ENOX2: variants seen among roughly 807,000 people sequenced by gnomAD.
ENOX2 encodes the protein ecto-NOX disulfide-thiol exchanger 2, also known as APK1 antigen.
ENOX2 carries 36 observed loss-of-function variants against 45.0 expected under a neutral mutation model. That is an observed-to-expected ratio of 0.80 (90% CI 0.61 to 1.06). The LOEUF (loss-of-function observed/expected upper bound fraction) is 1.06, where lower values mean the gene tolerates loss of function less well. ENOX2 is among the 50% of genes least tolerant of loss of function. ENOX2 has a pLI of 0.00. For synonymous variants in ENOX2, 174 were observed against 152.3 expected (o/e 1.14, Z -1.05); for missense variants, 423 against 462.5 (o/e 0.91, Z 0.78).
intron 2 of ENOX2, among the ~76,000 whole-genome samples, chrX:130,837,197 T>A (rs1479906411): frequency 8.9e-6 from 1 of 112,438 alleles, no homozygotes; most frequent in African/African-American, 3.2e-5. Context: ...TGGATTTCTT[T>A]TGACCTTGTC....
intron 8 of ENOX2, among the ~76,000 whole-genome samples, chrX:130,667,125 A>G (rs761367025): frequency 3.6e-4 from 40 of 112,289 alleles, no homozygotes; most frequent in South Asian, 7.4e-4. Context: ...AATTACATTG[A>G]TCATTGAAAT....
chrX:130,739,225 G>A (rs894488446), intron 3 of ENOX2, among the ~76,000 whole-genome samples: 4 of 112,395 alleles, frequency 3.6e-5, no homozygotes, highest in African/African-American at 1.3e-4. Flanking sequence ...CTCCTGTGAC[G>A]GTGGGCAGTG....
intron 3 of ENOX2, among the ~76,000 whole-genome samples, chrX:130,770,421 C>T (rs1340873322): frequency 9.0e-6 from 1 of 111,717 alleles, no homozygotes; most frequent in Non-Finnish European, 1.9e-5. Context: ...AGAGAATCTA[C>T]AAAAGGGAAG....
chrX:130,727,561 C>T (rs770564803), intron 3 of ENOX2, among the ~76,000 whole-genome samples: 1 of 112,535 alleles, frequency 8.9e-6, no homozygotes, highest in African/African-American at 3.2e-5. Context: ...AACTCTGTGA[C>T]CTCTTTTGCA....
chrX:130,714,138 C>A (rs1459033823), intron 3 of ENOX2, among the ~76,000 whole-genome samples: 1 of 111,774 alleles, frequency 8.9e-6, no homozygotes, highest in African/African-American at 3.3e-5. Flanking sequence ...CACATCAGTC[C>A]TGGGGCTAAT....
chrX:130,666,200 T>G (rs929835604), intron 8 of ENOX2, among the ~76,000 whole-genome samples: 4 of 112,141 alleles, frequency 3.6e-5, no homozygotes, highest in Non-Finnish European at 7.5e-5. Context: ...CACACTTGGA[T>G]GCCTTGCTTC....
intron 2 of ENOX2, among the ~76,000 whole-genome samples, chrX:130,854,884 C>T (rs1209990465): frequency 9.0e-6 from 1 of 111,110 alleles, no homozygotes; most frequent in Non-Finnish European, 1.9e-5. Context: ...TAAAATGTCT[C>T]GGAAAACTTA....
In ENOX2 at chrX:130,689,920, C is replaced by T. The variant is rs778667456; in HGVS notation, c.98-902G>A. Among the ~76,000 whole-genome samples, 6 of 111,217 alleles carry T rather than the reference C, an allele frequency of 5.4e-5. No individual in the cohort carries two copies. The South Asian group carries it at 1.2e-3, about 21-fold the overall frequency. On this transcript the variant is annotated intron_variant, in intron 4 of 14. Coordinates refer to ENST00000394363, the MANE Select transcript of ENOX2 (RefSeq NM_006375.4). ...AGCATTTTCGTGGCACAATCTCACG[C>T]GATACCATGAAAGAAATACCACACC...
intron 2 of ENOX2, among the ~76,000 whole-genome samples, chrX:130,879,780 C>T (rs1178169244): frequency 1.8e-5 from 2 of 111,853 alleles, no homozygotes; most frequent in African/African-American, 6.5e-5. Context: ...TAGGAAGGAT[C>T]CTGATCAGAG....
chrX:130,641,628 A>C (rs950278105), intron 10 of ENOX2, among the ~76,000 whole-genome samples: 13 of 106,773 alleles, frequency 1.2e-4, no homozygotes, highest in African/African-American at 3.4e-4. Flanking sequence ...GAGGCAGGAT[A>C]ATCGTTTGAA....
intron 4 of ENOX2, among the ~76,000 whole-genome samples, chrX:130,689,439 A>G (rs2037533327): frequency 8.9e-6 from 1 of 112,142 alleles, no homozygotes; most frequent in South Asian, 3.8e-4. Context: ...CCTGGGTTTT[A>G]GGTCTACCAT....
chrX:130,855,928 C>A (rs2078299911), intron 2 of ENOX2, among the ~76,000 whole-genome samples: 1 of 111,661 alleles, frequency 9.0e-6, no homozygotes. Flanking sequence ...AGAGATATTT[C>A]ATAAGGATGA....
intron 2 of ENOX2, among the ~76,000 whole-genome samples, chrX:130,813,017 A>G (rs898286342): frequency 2.7e-5 from 3 of 112,244 alleles, no homozygotes; most frequent in Non-Finnish European, 5.6e-5. Context: ...ACGCTAAAAG[A>G]AAATGCTCAT....
intron 2 of ENOX2, among the ~76,000 whole-genome samples, chrX:130,856,923 TAACATGAC>T (rs1187052874): frequency 8.9e-6 from 1 of 111,753 alleles, no homozygotes; most frequent in Non-Finnish European, 1.9e-5. Flanking sequence ...TCAGCTGAAT[TAACATGAC>T]AACAGGCTAT....
chrX:130,641,721 A>C (rs1284103304), intron 10 of ENOX2, among the ~76,000 whole-genome samples: 2 of 105,919 alleles, frequency 1.9e-5, no homozygotes, highest in African/African-American at 6.8e-5. Context: ...CCATCTCCAA[A>C]AAAAAAAAAA....
At chrX:130,738,726 A>G (rs923720688) in intron 3 of ENOX2, among the ~76,000 whole-genome samples, 1 of 112,224 alleles carries the variant, frequency 8.9e-6, no homozygotes, top group African/African-American at 3.2e-5. Context: ...TGAAGAGGGG[A>G]AAAGAACAGG....
rs748996612 is a variant in ENOX2, at chrX:130,698,542, A to G, written c.97+4578T>C. Among the ~76,000 whole-genome samples the G allele has an allele frequency of 2.3e-3, 253 of 111,818 alleles. 3 individuals are homozygous for G. The highest frequency in any genetic ancestry group is 4.0e-3 in the Non-Finnish European group (212 of 53,114). ...CTGGTATATATAATGTTTACGTATT[A>G]TTGGCTCTTGGTAAAATATATACCA... On this transcript the variant is annotated intron_variant, in intron 4 of 14. Coordinates refer to ENST00000394363, the MANE Select transcript of ENOX2 (RefSeq NM_006375.4).
At chrX:130,823,178 T>C (rs2077650421) in intron 2 of ENOX2, among the ~76,000 whole-genome samples, 1 of 111,892 alleles carries the variant, frequency 8.9e-6, no homozygotes, top group African/African-American at 3.2e-5. Flanking sequence ...ACCAGGCTAC[T>C]GGCAGATATA....
intron 6 of ENOX2, among the ~76,000 whole-genome samples, chrX:130,675,081 G>A (rs1321995406): frequency 1.9e-5 from 2 of 106,954 alleles, no homozygotes; most frequent in Non-Finnish European, 3.9e-5. Flanking sequence ...ATAAACATAC[G>A]TGTGCATATG....
Sources: gnomAD v4.1 joint callset for allele counts (sites outside exome capture counted in the v4.1 genomes callset) on GRCh38, gnomAD v4.1.1 for gene constraint, MANE v1.5 for transcripts, NCBI Gene and HGNC (gene_info 2026-07-23, HGNC 2026-07-21) for gene names.